ACTR2: variants seen among roughly 807,000 people sequenced by gnomAD.
ACTR2 encodes actin related protein 2, also known as actin-related protein 2.
ACTR2 carries 5 observed loss-of-function variants against 50.2 expected under a neutral mutation model. The observed-to-expected ratio is 0.10, with a 90% CI of 0.05 to 0.21. The LOEUF (loss-of-function observed/expected upper bound fraction) is 0.21. Ranked by LOEUF, ACTR2 falls within the 10% of genes least tolerant of loss-of-function variation. The probability of loss-of-function intolerance (pLI) is 1.00; values close to 1 mark genes in which losing one functional copy is unlikely to be tolerated. For missense variants in ACTR2, 180 were observed against 480.6 expected (o/e 0.37, Z 5.85); for synonymous variants, 140 against 162.9 (o/e 0.86, Z 1.07).
intron 1 of ACTR2, among the ~76,000 whole-genome samples, chr2:65,238,996 A>G (rs1671792209): frequency 6.6e-6 from 1 of 152,134 alleles, no homozygotes; most frequent in Non-Finnish European, 1.5e-5. Context: ...AAAATGCCTA[A>G]TAAATGTTTC....
chr2:65,263,578 T>C (rs1179675341), intron 7 of ACTR2, among the ~76,000 whole-genome samples: 1 of 152,190 alleles, frequency 6.6e-6, no homozygotes, highest in Admixed American at 6.5e-5. Flanking sequence ...GGAGCCAGGA[T>C]AGTAATAGAA....
At chr2:65,253,656 T>C (rs1672096074) in intron 4 of ACTR2, 72 bp from the exon 5 acceptor site, 1 of 1,515,228 alleles carries the variant, frequency 6.6e-7, no homozygotes, top group African/African-American at 1.4e-5. Flanking sequence ...GCTTCCCTAC[T>C]GTATTTGGAA....
At chr2:65,259,711 A>G (rs989418018) in intron 6 of ACTR2, among the ~76,000 whole-genome samples, 2 of 152,244 alleles carry the variant, frequency 1.3e-5, no homozygotes, top group African/African-American at 4.8e-5. Context: ...CCTGGGCAAC[A>G]GAGCGAGACT....
intron 6 of ACTR2, among the ~76,000 whole-genome samples, chr2:65,259,807 A>T (rs1672230978): frequency 6.6e-6 from 1 of 152,202 alleles, no homozygotes; most frequent in South Asian, 2.1e-4. Context: ...AAATGTGTCA[A>T]ATGCTAGCAT....
At position 65,251,062 on chromosome 2, in the gene ACTR2, T is replaced by C. The variant is rs1465471569; in HGVS notation, c.411T>C (p.Tyr137=). ...MFETYQFSGV[Y]VAIQAVLTLY... is the part of the protein sequence containing the mutation. ...AAACTTACCAGTTTTCCGGTGTATA[T>C]GTAGCCATCCAGGCAGTTCTGACTT... Residue 137 remains tyrosine, a synonymous_variant, in exon 4 of 9, where the codon TAT becomes TAC. Transcript: ENST00000260641. The C allele has an allele frequency of 2.5e-6, 4 of 1,609,482 alleles. No homozygotes were observed. The highest frequency in any genetic ancestry group is 3.4e-6 in the Non-Finnish European group (4 of 1,177,932).
chr2:65,234,590 A>G (rs1305789620), intron 1 of ACTR2, among the ~76,000 whole-genome samples: 2 of 152,174 alleles, frequency 1.3e-5, no homozygotes, highest in Non-Finnish European at 2.9e-5. Flanking sequence ...GAAGACTTTG[A>G]GTGATGTGAT....
intron 6 of ACTR2, among the ~76,000 whole-genome samples, chr2:65,256,724 T>C (rs934310513): frequency 6.6e-6 from 1 of 151,970 alleles, no homozygotes; most frequent in African/African-American, 2.4e-5. Context: ...TACAAAAAAT[T>C]AGCTGGGCAA....
chr2:65,234,810 T>G (rs1310133427), intron 1 of ACTR2, among the ~76,000 whole-genome samples: 1 of 152,200 alleles, frequency 6.6e-6, no homozygotes, highest in East Asian at 1.9e-4. Context: ...CCTTACAAAC[T>G]GGTAGGTTCT....
intron 7 of ACTR2, among the ~76,000 whole-genome samples, chr2:65,262,339 C>G (rs1030268520): frequency 2.6e-5 from 4 of 152,026 alleles, no homozygotes; most frequent in Non-Finnish European, 5.9e-5. Context: ...AAGCGATTCT[C>G]CTGCCTCAGC....
chr2:65,269,629 T>G lies in ACTR2; in HGVS notation c.*895T>G, dbSNP rs1246133715. On this transcript the variant is annotated 3_prime_UTR_variant, in exon 9 of 9. Transcript: ENST00000260641. ...ATTTAAAAGAGCTTAAGATCTGGTG[T>G]TTTGTTAATGCTTCTGTTTATTCCA... 6.6e-6 allele frequency: 1 copy of G among 152,200 alleles called. No homozygotes were observed. The highest frequency in any genetic ancestry group is 2.4e-5 in the African/African-American group (1 of 41,446). The allele number at this position is 152,200 out of a possible 1,614,324, so 9.4% of individuals were successfully genotyped here. A position where few individuals can be genotyped will look rare whatever the true frequency, so the allele number is the denominator to read the frequency against.
At chr2:65,260,921 A>G (rs1463059631) in intron 6 of ACTR2, among the ~76,000 whole-genome samples, 1 of 151,746 alleles carries the variant, frequency 6.6e-6, no homozygotes, top group South Asian at 2.1e-4. Context: ...TAGTAGAGAC[A>G]GGGTTTCATT....
In ACTR2 at chr2:65,268,546, CCTTT is replaced by C; in HGVS notation, c.1015-11_1015-8del. 6 of 1,605,558 alleles carry C rather than the reference CCTTT, an allele frequency of 3.7e-6. No individual in the cohort carries two copies. The highest frequency in any genetic ancestry group is 5.1e-6 in the Non-Finnish European group (6 of 1,176,630). On this transcript the variant is annotated splice_polypyrimidine_tract_variant and intron_variant, in intron 8 of 8. Coordinates refer to ENST00000260641, the MANE Select transcript of ACTR2 (RefSeq NM_005722.4). The stretch of plus-strand genomic sequence containing the variant: ...CTGTGCACATGTACCATTTCATTAT[CCTTT>C]CTTTCTCCTTTAGAAATTTAAGATC...
intron 2 of ACTR2, among the ~76,000 whole-genome samples, chr2:65,244,702 C>A (rs1256780035): frequency 2.0e-5 from 3 of 152,082 alleles, no homozygotes; most frequent in Non-Finnish European, 2.9e-5. Context: ...AATCCTAGCA[C>A]TTTGGGAGGC....
intron 2 of ACTR2, among the ~76,000 whole-genome samples, chr2:65,240,288 A>T (rs1293351604): frequency 1.3e-5 from 2 of 152,122 alleles, no homozygotes; most frequent in African/African-American, 2.4e-5. Flanking sequence ...TCGGCCTGGT[A>T]TTTTTATGTC....
At chr2:65,253,940 G>GTT in intron 5 of ACTR2, 76 bp downstream of exon 5, 1 of 1,290,972 alleles carries the variant, frequency 7.7e-7, no homozygotes, top group Middle Eastern at 1.9e-4. Flanking sequence ...TGAATCTATC[G>GTT]TTTTAGGATT....
intron 1 of ACTR2, among the ~76,000 whole-genome samples, chr2:65,229,085 A>AT (rs1189040700): frequency 6.6e-6 from 1 of 152,000 alleles, no homozygotes; most frequent in Non-Finnish European, 1.5e-5. Context: ...CGTCTCAATT[A>AT]TAAAAAAAAA....
intron 7 of ACTR2, among the ~76,000 whole-genome samples, chr2:65,263,033 A>T (rs1033347273): frequency 6.6e-6 from 1 of 150,562 alleles, no homozygotes; most frequent in Non-Finnish European, 1.5e-5. Flanking sequence ...ATATTTTTAT[A>T]TGTTTAAGGG....
At chr2:65,236,575 T>C (rs890694592) in intron 1 of ACTR2, among the ~76,000 whole-genome samples, 1 of 151,670 alleles carries the variant, frequency 6.6e-6, no homozygotes, top group Non-Finnish European at 1.5e-5. Context: ...TTTTGGGTTT[T>C]GTTTTGTTTT....
At chr2:65,241,081 G>C (rs774345386) in intron 2 of ACTR2, among the ~76,000 whole-genome samples, 1 of 151,934 alleles carries the variant, frequency 6.6e-6, no homozygotes, top group African/African-American at 2.4e-5. Flanking sequence ...GACACTCAGT[G>C]TAAGTTTTTC....
Sources: gnomAD v4.1 joint callset for allele counts (sites outside exome capture counted in the v4.1 genomes callset) on GRCh38, gnomAD v4.1.1 for gene constraint, MANE v1.5 for transcripts, NCBI Gene and HGNC (gene_info 2026-07-23, HGNC 2026-07-21) for gene names.